The following PCDHA11 variants were observed in gnomAD, a reference collection of about 807,000 sequenced individuals.
PCDHA11 encodes the protein protocadherin alpha 11.
PCDHA11 carries 61 observed loss-of-function variants against 70.3 expected under a neutral mutation model. The observed-to-expected ratio is 0.87, with a 90% CI of 0.71 to 1.07. PCDHA11 has a LOEUF of 1.07. Among genes scored for constraint, PCDHA11 ranks in the 50% least tolerant of loss-of-function variants. The pLI is 0.00. For synonymous variants in PCDHA11, 633 were observed against 555.1 expected, an observed-to-expected ratio of 1.14 and a Z score of -1.97; for missense variants, 1,324 against 1,237.5, an observed-to-expected ratio of 1.07 and a Z score of -1.05.
intron 1 of PCDHA11, chr5:140,969,353 C>T (rs781980010): frequency 3.7e-6 from 6 of 1,612,562 alleles, no homozygotes; most frequent in Non-Finnish European, 4.2e-6. Context: ...GTCAGGGGGT[C>T]TTCTACAAAC....
rs555659207 is a variant in PCDHA11, at chr5:140,967,475, C to A, written c.2392-11474C>A. 2.5e-6 allele frequency: 4 copies of A among 1,613,342 alleles called. No homozygotes were observed. In the East Asian group the frequency reaches 8.9e-5, roughly 36 times the overall value. On this transcript the variant is annotated intron_variant, in intron 1 of 3. Coordinates refer to ENST00000398640, the MANE Select transcript of PCDHA11 (RefSeq NM_018902.5). ...AGCCGTGGATGGGGGCATCCCAGCC[C>A]GCTCGGGTACGGCACAGATCTCTGT...
At chr5:140,874,008 T>C (rs2054633118) in intron 1 of PCDHA11, among the ~76,000 whole-genome samples, 5 of 152,208 alleles carry the variant, frequency 3.3e-5, no homozygotes. Context: ...CATTGACCAC[T>C]TTTGAAAATG....
At chr5:140,899,479 A>T (rs2067352016) in intron 1 of PCDHA11, among the ~76,000 whole-genome samples, 1 of 152,194 alleles carries the variant, frequency 6.6e-6, no homozygotes, top group Non-Finnish European at 1.5e-5. Flanking sequence ...TTCTGTTTAT[A>T]TGCTGGATTA....
At chr5:141,004,378 G>A (rs914260481) in intron 3 of PCDHA11, among the ~76,000 whole-genome samples, 3 of 152,198 alleles carry the variant, frequency 2.0e-5, no homozygotes, top group Admixed American at 6.5e-5. Context: ...TCTGCTCTGC[G>A]GAAGCTGGAC....
intron 1 of PCDHA11, among the ~76,000 whole-genome samples, chr5:140,906,752 G>A (rs1328101001): frequency 6.6e-6 from 1 of 152,152 alleles, no homozygotes; most frequent in Non-Finnish European, 1.5e-5. Context: ...ACAGGGCATG[G>A]TAATACTAAG....
intron 3 of PCDHA11, among the ~76,000 whole-genome samples, chr5:140,990,314 CCAAA>C (rs2097387288): frequency 6.6e-6 from 1 of 152,212 alleles, no homozygotes; most frequent in Non-Finnish European, 1.5e-5. Context: ...AAAAAACCAA[CCAAA>C]CAAACTTTAA....
At chr5:140,973,398 C>G (rs2096585734) in intron 1 of PCDHA11, among the ~76,000 whole-genome samples, 1 of 152,230 alleles carries the variant, frequency 6.6e-6, no homozygotes, top group East Asian at 1.9e-4. Flanking sequence ...GAAATCATAT[C>G]TATGAGCTTC....
intron 1 of PCDHA11, among the ~76,000 whole-genome samples, chr5:140,936,540 G>A (rs1320380132): frequency 6.6e-6 from 1 of 152,174 alleles, no homozygotes; most frequent in East Asian, 1.9e-4. Context: ...TGAATATAGT[G>A]CAATGTAGAA....
intron 3 of PCDHA11, among the ~76,000 whole-genome samples, chr5:140,999,095 G>C (rs1554256620): frequency 6.6e-6 from 1 of 152,202 alleles, no homozygotes; most frequent in African/African-American, 2.4e-5. Flanking sequence ...GAGGGCTATG[G>C]AGAGTAACCT....
chr5:140,871,877 G>A (rs1554165902), intron 1 of PCDHA11, among the ~76,000 whole-genome samples: 2 of 152,144 alleles, frequency 1.3e-5, no homozygotes, highest in African/African-American at 4.8e-5. Flanking sequence ...ATTTAAATTT[G>A]CTCCTCTTTG....
chr5:140,933,306 G>A (rs1159375359), intron 1 of PCDHA11, among the ~76,000 whole-genome samples: 1 of 151,920 alleles, frequency 6.6e-6, no homozygotes, highest in African/African-American at 2.4e-5. Context: ...AAATAAATAT[G>A]CAATCTCGTA....
In PCDHA11 at chr5:140,884,106, T is replaced by C; in HGVS notation, c.2391+12612T>C. 1 of 1,613,420 alleles carries C rather than the reference T, an allele frequency of 6.2e-7. No individual in the cohort carries two copies. The highest frequency in any genetic ancestry group is 8.5e-7 in the Non-Finnish European group (1 of 1,179,712). On this transcript the variant is annotated intron_variant, in intron 1 of 3. Transcript: ENST00000398640. ...GCGTGGCTTTCGTATGAATTGCAGC[T>C]GGCGGCGGTCGGCGCGCGCATCCCG...
rs782253040 is a variant in PCDHA11 at position 140,870,345 on chromosome 5, C to T, written c.1242C>T (p.Arg414=). The change falls in exon 1 of 4, where the codon CGC becomes CGT. Residue 414 remains arginine, a synonymous_variant. Coordinates refer to ENST00000398640, the MANE Select transcript of PCDHA11 (RefSeq NM_018902.5). ...TGGTGCTGGACAGCGCCCTGGACCG[C>T]GAGAACGTGTGGGCCTATGAACTGG... The part of the protein sequence containing the change: ...YSLVLDSALD[R]ENVWAYELVV... 4.3e-6 allele frequency: 7 copies of T among 1,614,066 alleles called. No individual in the cohort carries two copies. Among genetic ancestry groups the T allele is most frequent in the South Asian group, 2.2e-5 (2 of 91,078 alleles).
chr5:140,968,727 G>A, intron 1 of PCDHA11: 1 of 1,614,162 alleles, frequency 6.2e-7, no homozygotes, highest in Admixed American at 1.7e-5. Context: ...GAGAGTGGTA[G>A]CACTTTCAAC....
intron 3 of PCDHA11, among the ~76,000 whole-genome samples, chr5:141,007,395 CAAAAAAA>C (rs35800918): frequency 2.2e-3 from 204 of 94,846 alleles, no homozygotes; most frequent in African/African-American, 7.3e-3. Flanking sequence ...TACTAAAATA[CAAAAAAA>C]AAAAAAAAAA....
chr5:140,966,727 C>T (rs1330950109), intron 1 of PCDHA11: 4 of 1,405,404 alleles, frequency 2.8e-6, no homozygotes, highest in East Asian at 2.8e-5. Context: ...AAGCTGCCGC[C>T]TCCGGCCCTG....
chr5:140,910,965 C>T (rs1554194514), intron 1 of PCDHA11, among the ~76,000 whole-genome samples: 1 of 152,098 alleles, frequency 6.6e-6, no homozygotes, highest in Non-Finnish European at 1.5e-5. Context: ...TAGCACACCT[C>T]CTCATGGGTT....
At chr5:140,947,957 A>G (rs2094196859) in intron 1 of PCDHA11, among the ~76,000 whole-genome samples, 1 of 151,542 alleles carries the variant, frequency 6.6e-6, no homozygotes, top group African/African-American at 2.4e-5. Flanking sequence ...ATATTTTACA[A>G]TTAAGTATGT....
At chr5:140,967,784 C>G in intron 1 of PCDHA11, 1 of 1,614,174 alleles carries the variant, frequency 6.2e-7, no homozygotes, top group Non-Finnish European at 8.5e-7. Flanking sequence ...GGCGACTGAC[C>G]GGGGTCCAGT....
Sources: gnomAD v4.1 joint callset for allele counts (sites outside exome capture counted in the v4.1 genomes callset) on GRCh38, gnomAD v4.1.1 for gene constraint, MANE v1.5 for transcripts, NCBI Gene and HGNC (gene_info 2026-07-23, HGNC 2026-07-21) for gene names.